Variants in IDE observed in about 807,000 individuals in gnomAD.
IDE encodes insulin-degrading enzyme.
In IDE, 58 loss-of-function variants were observed where a neutral mutation model predicts 133.2. That is an observed-to-expected ratio of 0.44 (90% CI 0.35 to 0.54). The LOEUF is 0.54. Ranked by LOEUF, IDE falls within the 20% of genes least tolerant of loss-of-function variation. IDE has a pLI of 0.00. For missense variants in IDE, 981 were observed against 1,234.0 expected (o/e 0.79, Z 3.07); for synonymous variants, 396 against 421.3 (o/e 0.94, Z 0.73).
At chr10:92,516,542 G>T (rs1848941569) in intron 4 of IDE, among the ~76,000 whole-genome samples, 1 of 152,166 alleles carries the variant, frequency 6.6e-6, no homozygotes, top group Non-Finnish European at 1.5e-5. Context: ...AAATCCCTAT[G>T]AGATAGTAGG....
intron 1 of IDE, among the ~76,000 whole-genome samples, chr10:92,556,511 C>G (rs1388019962): frequency 1.3e-5 from 2 of 151,906 alleles, no homozygotes; most frequent in East Asian, 1.9e-4. Flanking sequence ...ATAATCCCAG[C>G]ACTTTGGGAG....
chr10:92,513,339 C>G (rs1342476669), intron 5 of IDE, among the ~76,000 whole-genome samples: 1 of 152,078 alleles, frequency 6.6e-6, no homozygotes, highest in Non-Finnish European at 1.5e-5. Flanking sequence ...ATTACAGGTG[C>G]CCGCCACCAT....
At chr10:92,510,840 C>A (rs185865592) in intron 5 of IDE, among the ~76,000 whole-genome samples, 1 of 150,382 alleles carries the variant, frequency 6.6e-6, no homozygotes, top group Non-Finnish European at 1.5e-5. Flanking sequence ...ACATACATAT[C>A]ACACATATGA....
chr10:92,518,861 T>C (rs1342925373), intron 4 of IDE, among the ~76,000 whole-genome samples: 2 of 152,130 alleles, frequency 1.3e-5, no homozygotes, highest in African/African-American at 2.4e-5. Context: ...ACGGAAATGA[T>C]AATCATTAAA....
intron 12 of IDE, 125 bp downstream of exon 12, chr10:92,490,368 G>A: frequency 1.4e-6 from 1 of 694,680 alleles, no homozygotes. Context: ...ATTTCTCTTA[G>A]GATGGTACAG....
intron 4 of IDE, among the ~76,000 whole-genome samples, chr10:92,530,941 A>AGT (rs1423585087): frequency 5.3e-5 from 8 of 152,316 alleles, no homozygotes; most frequent in Non-Finnish European, 1.2e-4. Context: ...ATAATAGAGA[A>AGT]GTGAATTTTT....
intron 1 of IDE, among the ~76,000 whole-genome samples, chr10:92,540,129 G>A (rs995979233): frequency 6.6e-6 from 1 of 151,992 alleles, no homozygotes; most frequent in African/African-American, 2.4e-5. Context: ...TGTAATCCCA[G>A]CTATTTGGGA....
chr10:92,530,316 A>G (rs1849856277), intron 4 of IDE, among the ~76,000 whole-genome samples: 1 of 150,780 alleles, frequency 6.6e-6, no homozygotes, highest in African/African-American at 2.4e-5. Flanking sequence ...TTTTTTTTTG[A>G]GACAGGGTCT....
At chr10:92,511,102 C>CTTTTT (rs749758838) in intron 5 of IDE, among the ~76,000 whole-genome samples, 2 of 105,418 alleles carry the variant, frequency 1.9e-5, no homozygotes, top group African/African-American at 3.7e-5. Flanking sequence ...AAAAAAAAAA[C>CTTTTT]TTTTTTTTTT....
Position 92,534,791 on chromosome 10 carries a change from A to G in IDE, c.284-6T>C. 1 of 1,604,646 alleles carries G rather than the reference A, an allele frequency of 6.2e-7. No homozygotes were observed. ...TGGAGGATCCGACAATGAACCTGAA[A>G]GAGAAAACACGTATATAATAAATCA... On this transcript the variant is annotated splice_polypyrimidine_tract_variant and splice_region_variant and intron_variant, in intron 2 of 24. Transcript: ENST00000265986.
At chr10:92,566,799 C>A (rs1843576298) in intron 1 of IDE, among the ~76,000 whole-genome samples, 1 of 152,022 alleles carries the variant, frequency 6.6e-6, no homozygotes. Context: ...GATGACTACC[C>A]CCCACCCAAA....
rs1029529803 is a variant in IDE, at chr10:92,529,985, G to A, written c.661+1763C>T. Among the ~76,000 whole-genome samples, 3 of 152,232 alleles carry A rather than the reference G, an allele frequency of 2.0e-5. No individual in the cohort carries two copies. In the East Asian group the frequency reaches 5.8e-4, roughly 29 times the overall value. ...TCACGCCTGTAATCCCAGCACTTTGGAAGGCCGAGGCAGGCGGATCACCTG... is the reference window on the plus strand; with the variant it reads ...TCACGCCTGTAATCCCAGCACTTTGAAAGGCCGAGGCAGGCGGATCACCTG... On this transcript the variant is annotated intron_variant, in intron 4 of 24. Transcript: ENST00000265986.
chr10:92,465,044 T>G (rs182110392), intron 20 of IDE, among the ~76,000 whole-genome samples: 2 of 152,348 alleles, frequency 1.3e-5, no homozygotes, highest in East Asian at 3.9e-4. Context: ...CCATCCTGAT[T>G]TGACTGTGAG....
intron 14 of IDE, among the ~76,000 whole-genome samples, chr10:92,480,380 C>T (rs948883341): frequency 6.6e-6 from 1 of 152,196 alleles, no homozygotes; most frequent in Non-Finnish European, 1.5e-5. Context: ...AGTTGATAAT[C>T]TAGCTAGAGG....
At chr10:92,549,729 T>A (rs1351829144) in intron 1 of IDE, among the ~76,000 whole-genome samples, 1 of 151,806 alleles carries the variant, frequency 6.6e-6, no homozygotes, top group African/African-American at 2.4e-5. Context: ...ATATATATAA[T>A]ATATTCAATA....
intron 1 of IDE, among the ~76,000 whole-genome samples, chr10:92,565,573 T>C (rs1002369754): frequency 3.3e-5 from 5 of 152,136 alleles, no homozygotes; most frequent in African/African-American, 1.2e-4. Flanking sequence ...TTCCTTCTTA[T>C]ACCTAAATGT....
intron 5 of IDE, among the ~76,000 whole-genome samples, 175 bp downstream of exon 5, chr10:92,514,745 A>G (rs1848811666): frequency 6.6e-6 from 1 of 152,218 alleles, no homozygotes; most frequent in Non-Finnish European, 1.5e-5. Context: ...TTTTGGGAAC[A>G]CAATGATTTA....
intron 1 of IDE, among the ~76,000 whole-genome samples, chr10:92,562,575 A>C (rs2052711528): frequency 6.6e-6 from 1 of 152,224 alleles, no homozygotes. Context: ...TCTGGAGTAC[A>C]AACTTAGAAC....
intron 15 of IDE, 84 bp downstream of exon 15, chr10:92,479,193 T>A: frequency 1.1e-6 from 1 of 927,318 alleles, no homozygotes; most frequent in Non-Finnish European, 1.6e-6. Flanking sequence ...GAAATTAAAC[T>A]CACACCCTCA....
Sources: gnomAD v4.1 joint callset for allele counts (sites outside exome capture counted in the v4.1 genomes callset) on GRCh38, gnomAD v4.1.1 for gene constraint, MANE v1.5 for transcripts, NCBI Gene and HGNC (gene_info 2026-07-23, HGNC 2026-07-21) for gene names.